The following SKA2 variants were observed in gnomAD, a reference collection of about 807,000 sequenced individuals.
SKA2 encodes spindle and kinetochore-associated protein 2.
In SKA2, 13 loss-of-function variants were observed where a neutral mutation model predicts 16.9. The observed-to-expected ratio is 0.77, with a 90% CI of 0.50 to 1.22. The LOEUF is 1.22. SKA2 is among the 50% of genes most tolerant of loss of function. The pLI is 0.00. For missense variants in SKA2, 107 were observed against 139.7 expected (o/e 0.77, Z 1.18); for synonymous variants, 47 against 48.5 (o/e 0.97, Z 0.13).
intron 1 of SKA2, among the ~76,000 whole-genome samples, chr17:59,135,387 G>GCTCACTGC (rs1247459307): frequency 1.4e-5 from 2 of 144,464 alleles, no homozygotes; most frequent in Non-Finnish European, 3.0e-5. Flanking sequence ...TGCAATCTCA[G>GCTCACTGC]CTCACTGCAC....
intron 1 of SKA2, among the ~76,000 whole-genome samples, chr17:59,138,614 T>C (rs180743520): frequency 1.5e-4 from 23 of 151,956 alleles, no homozygotes; most frequent in South Asian, 4.2e-4. Context: ...GTATTTTTGG[T>C]AGAGATGGGG....
chr17:59,131,410 A>G (rs771367354), intron 1 of SKA2, 43 bp from the exon 2 acceptor site: 4 of 1,264,136 alleles, frequency 3.2e-6, no homozygotes, highest in East Asian at 2.6e-5. Context: ...CCAAAAGACT[A>G]ATAGTAAACA....
At chr17:59,134,124 C>T (rs1283505649) in intron 1 of SKA2, among the ~76,000 whole-genome samples, 2 of 152,100 alleles carry the variant, frequency 1.3e-5, no homozygotes, top group Non-Finnish European at 2.9e-5. Flanking sequence ...ATTTCTCATA[C>T]TAAGATATAC....
At chr17:59,136,419 C>T (rs531809881) in intron 1 of SKA2, among the ~76,000 whole-genome samples, 25 of 152,268 alleles carry the variant, frequency 1.6e-4, no homozygotes, top group African/African-American at 5.3e-4. Context: ...CCACCTCGGC[C>T]TCCCAAAGTA....
At chr17:59,147,907 A>C (rs1282361855) in intron 1 of SKA2, among the ~76,000 whole-genome samples, 2 of 151,722 alleles carry the variant, frequency 1.3e-5, no homozygotes, top group Non-Finnish European at 2.9e-5. Flanking sequence ...CAGTGATGAG[A>C]TCTTGGCTCA....
At position 59,131,205 on chromosome 17, in the gene SKA2, T is replaced by G. The variant is rs2046409656; in HGVS notation, c.120+76A>C. 1.3e-5 allele frequency: 12 copies of G among 917,198 alleles called. No individual in the cohort carries two copies. The East Asian group carries it at 3.2e-4, about 25-fold the overall frequency. The allele number at this position is 917,198 out of a possible 1,614,324, so 56.8% of individuals were successfully genotyped here. On this transcript the variant is annotated intron_variant, in intron 2 of 3. Transcript: ENST00000330137. ...TATAATTCTTATGATCTATTACTAT[T>G]AGGAATGCTATCAGAAAATTCTAAA...
chr17:59,127,336 G>A (rs551728503), intron 2 of SKA2, among the ~76,000 whole-genome samples: 102 of 152,260 alleles, frequency 6.7e-4, no homozygotes, highest in Non-Finnish European at 1.0e-3. Context: ...TTGGAGTTCA[G>A]CCTGGACCAT....
intron 2 of SKA2, among the ~76,000 whole-genome samples, chr17:59,127,173 G>T (rs1264614977): frequency 1.3e-5 from 2 of 152,128 alleles, no homozygotes; most frequent in East Asian, 3.8e-4. Context: ...ACCTTCTGGA[G>T]ATTGATGATG....
At position 59,119,427 on chromosome 17, in the gene SKA2, G is replaced by T; in HGVS notation, c.189C>A (p.Arg63=). 6.2e-7 allele frequency: 1 copy of T among 1,613,978 alleles called. No individual in the cohort carries two copies. The highest frequency in any genetic ancestry group is 8.5e-7 in the Non-Finnish European group (1 of 1,179,884). ...IKSRYQTLYA[R]FKPVAVEQKE... ...TCTGCTCAACAGCAACTGGTTTAAA[G>T]CGGGCATACAAAGTTTGATATCGAG... is the stretch of plus-strand genomic sequence containing the variant. The change falls in exon 3 of 4, where the codon CGC becomes CGA. Residue 63 remains arginine (R), a synonymous_variant. Coordinates refer to ENST00000330137, the MANE Select transcript of SKA2 (RefSeq NM_182620.4).
rs1211740680 is a variant in SKA2 at position 59,130,033 on chromosome 17, AAG to A, written c.120+1246_120+1247del. 5.3e-5 allele frequency among the ~76,000 whole-genome samples: 7 copies of A among 131,680 alleles called. No homozygotes were observed. In the South Asian group the frequency reaches 9.3e-4, roughly 18 times the overall value. The allele number at this position is 131,680 out of a possible 152,430, so 86.4% of individuals were successfully genotyped here. A position where few individuals can be genotyped will look rare whatever the true frequency, so the allele number is the denominator to read the frequency against. ...AAAGAGAGGGAGGGAGGAAGAGAGA[AAG>A]AGGCGGGGGGGAGAGAGAGAAAGAA... On this transcript the variant is annotated intron_variant, in intron 2 of 3. Coordinates refer to ENST00000330137, the MANE Select transcript of SKA2 (RefSeq NM_182620.4).
At chr17:59,154,489 C>T (rs1310613286) in intron 1 of SKA2, among the ~76,000 whole-genome samples, 1 of 152,234 alleles carries the variant, frequency 6.6e-6, no homozygotes. Flanking sequence ...TTTCCTGTCT[C>T]AATCCCGCCC....
intron 2 of SKA2, among the ~76,000 whole-genome samples, chr17:59,130,785 T>C (rs2046407038): frequency 6.6e-6 from 1 of 152,224 alleles, no homozygotes; most frequent in Non-Finnish European, 1.5e-5. Flanking sequence ...ATACTTACAC[T>C]TAATGATTTT....
intron 2 of SKA2, among the ~76,000 whole-genome samples, chr17:59,125,417 G>GATA (rs1297523043): frequency 2.0e-5 from 3 of 151,724 alleles, no homozygotes; most frequent in Non-Finnish European, 4.4e-5. Context: ...AAGGTTACAA[G>GATA]AATGGCTGAG....
At chr17:59,150,666 C>T (rs1031644748) in intron 1 of SKA2, among the ~76,000 whole-genome samples, 5 of 151,944 alleles carry the variant, frequency 3.3e-5, no homozygotes, top group East Asian at 3.9e-4. Flanking sequence ...TATCTAAGCC[C>T]GGGAGTACAA....
At chr17:59,154,668 C>T (rs9916197) in intron 1 of SKA2, among the ~76,000 whole-genome samples, 2 of 152,210 alleles carry the variant, frequency 1.3e-5, no homozygotes, top group African/African-American at 4.8e-5. Flanking sequence ...CCTTTTAGAA[C>T]GTGAGCGGGT....
At chr17:59,137,349 T>A (rs960514370) in intron 1 of SKA2, among the ~76,000 whole-genome samples, 2 of 152,148 alleles carry the variant, frequency 1.3e-5, no homozygotes, top group African/African-American at 4.8e-5. Flanking sequence ...AAAATTAAAG[T>A]TTTTTTATGT....
intron 1 of SKA2, chr17:59,151,936 A>G (rs2046580639): frequency 6.6e-6 from 1 of 152,250 alleles, no homozygotes; most frequent in Non-Finnish European, 1.5e-5. Flanking sequence ...AAGCATCTCC[A>G]TTTCCTTCAA....
chr17:59,135,758 T>A (rs1011539789), intron 1 of SKA2, among the ~76,000 whole-genome samples: 1 of 149,036 alleles, frequency 6.7e-6, no homozygotes. Flanking sequence ...AAAAATATAT[T>A]TTTAAAATAT....
rs191036037 is a variant in SKA2, at chr17:59,140,993, C to T, written c.34-9626G>A. Among the ~76,000 whole-genome samples the T allele has an allele frequency of 2.0e-5, 3 of 150,292 alleles. No individual in the cohort carries two copies. The East Asian group carries it at 6.0e-4, about 30-fold the overall frequency. The stretch of plus-strand genomic sequence containing the variant: ...TTTTTCCTTTGTAGAGACAGAGTCT[C>T]GTTTTGTTGCCCAGGCTGGTCTCGA... On this transcript the variant is annotated intron_variant, in intron 1 of 3. Transcript: ENST00000330137.
Sources: gnomAD v4.1 joint callset for allele counts (sites outside exome capture counted in the v4.1 genomes callset) on GRCh38, gnomAD v4.1.1 for gene constraint, MANE v1.5 for transcripts, NCBI Gene and HGNC (gene_info 2026-07-23, HGNC 2026-07-21) for gene names.